The following TCF12 variants were observed in gnomAD, a reference collection of about 807,000 sequenced individuals.
TCF12 encodes the protein DNA-binding protein HTF4.
TCF12 carries 45 observed loss-of-function variants against 86.0 expected under a neutral mutation model. That is an observed-to-expected ratio of 0.52 (90% confidence interval 0.41 to 0.67). TCF12 has a LOEUF of 0.67. TCF12 is among the 30% of genes least tolerant of loss of function. The pLI, the probability that TCF12 is intolerant of heterozygous loss-of-function variation, is 0.00. For synonymous variants in TCF12, 330 were observed against 299.6 expected, an observed-to-expected ratio of 1.10 and a Z score of -1.05; for missense variants, 881 against 859.9, an observed-to-expected ratio of 1.02 and a Z score of -0.31.
chr15:57,101,733 T>G (rs1318105072), intron 5 of TCF12, among the ~76,000 whole-genome samples: 1 of 152,244 alleles, frequency 6.6e-6, no homozygotes, highest in African/African-American at 2.4e-5. Context: ...GTCATTCTTG[T>G]GTTACGTATT....
At chr15:57,058,699 T>A (rs76532511) in intron 3 of TCF12, among the ~76,000 whole-genome samples, 104 of 152,360 alleles carry the variant, frequency 6.8e-4, no homozygotes, top group African/African-American at 2.4e-3. Flanking sequence ...TGTTTTAACT[T>A]CTATTAAATT....
intron 6 of TCF12, among the ~76,000 whole-genome samples, chr15:57,169,663 T>C (rs2055165359): frequency 6.6e-6 from 1 of 151,964 alleles, no homozygotes; most frequent in Non-Finnish European, 1.5e-5. Flanking sequence ...GCCACTGGGC[T>C]AATGTTAACA....
intron 3 of TCF12, among the ~76,000 whole-genome samples, chr15:56,992,950 C>T (rs1365741672): frequency 1.3e-5 from 2 of 152,046 alleles, no homozygotes; most frequent in African/African-American, 4.8e-5. Context: ...CCACATGCAC[C>T]CCGTCTTTCT....
chr15:57,230,883 C>T lies in TCF12; in HGVS notation c.580-269C>T, dbSNP rs143345527. On this transcript the variant is annotated intron_variant, in intron 8 of 20. Coordinates refer to ENST00000333725, the MANE Select transcript of TCF12 (RefSeq NM_207037.2). ...AGCCAGCTCAATGCTTATTCAGTCA[C>T]TTGGTGTAACTGTCATACCAAGATG... is the stretch of plus-strand genomic sequence containing the variant. Among the ~76,000 whole-genome samples the T allele has an allele frequency of 3.1e-3, 468 of 151,668 alleles. 2 individuals are homozygous for T. Among genetic ancestry groups the T allele is most frequent in the African/African-American group, 0.011 (455 of 41,346 alleles).
intron 3 of TCF12, among the ~76,000 whole-genome samples, chr15:56,926,526 A>G (rs911821652): frequency 3.3e-5 from 5 of 152,186 alleles, no homozygotes; most frequent in African/African-American, 9.7e-5. Flanking sequence ...GATATGGACA[A>G]TGAATTAGGG....
chr15:57,127,684 G>A (rs1158300172), intron 5 of TCF12, among the ~76,000 whole-genome samples: 11 of 152,152 alleles, frequency 7.2e-5, no homozygotes, highest in Admixed American at 3.9e-4. Flanking sequence ...ATTCAAATTA[G>A]TCACTCCCAG....
chr15:57,007,993 T>C (rs200325002), intron 3 of TCF12, among the ~76,000 whole-genome samples: 1 of 150,532 alleles, frequency 6.6e-6, no homozygotes, highest in East Asian at 2.0e-4. Context: ...CTCTCTCTCT[T>C]TCTCTCACTG....
intron 16 of TCF12, among the ~76,000 whole-genome samples, chr15:57,255,133 A>G (rs1417329790): frequency 2.0e-5 from 3 of 152,142 alleles, no homozygotes; most frequent in Non-Finnish European, 4.4e-5. Context: ...CTTCACTTTT[A>G]CTAGCTTACT....
chr15:57,206,228 C>A lies in TCF12; in HGVS notation c.579+8403C>A, dbSNP rs772919834. Among the ~76,000 whole-genome samples the A allele has an allele frequency of 2.0e-5, 3 of 152,124 alleles. No individual in the cohort carries two copies. The South Asian group carries it at 6.2e-4, about 31-fold the overall frequency. On this transcript the variant is annotated intron_variant, in intron 8 of 20. Coordinates refer to ENST00000333725, the MANE Select transcript of TCF12 (RefSeq NM_207037.2). The stretch of plus-strand genomic sequence containing the variant: ...AAGAATACAAGGTAATGAGGCCAGG[C>A]GTGATGGCTTATGCCTGTAATCCCA...
At position 57,168,014 on chromosome 15, in the gene TCF12, A is replaced by G. The variant is rs538573883; in HGVS notation, c.390+1548A>G. Among the ~76,000 whole-genome samples, 24 of 152,336 alleles carry G rather than the reference A, an allele frequency of 1.6e-4. No individual in the cohort carries two copies. The South Asian group carries it at 4.8e-3, about 30-fold the overall frequency. On this transcript the variant is annotated intron_variant, in intron 6 of 20. Coordinates refer to ENST00000333725, the MANE Select transcript of TCF12 (RefSeq NM_207037.2). ...ATGGTTGACATCACACTGATATCTT[A>G]AAATTGGCTATTATGAGCTGGGCAC...
chr15:57,120,326 G>A (rs1160931424), intron 5 of TCF12, among the ~76,000 whole-genome samples: 1 of 152,156 alleles, frequency 6.6e-6, no homozygotes, highest in Admixed American at 6.5e-5. Flanking sequence ...GAAATTTGCT[G>A]TTTGTGTACA....
At chr15:56,946,147 T>A (rs1227525095) in intron 3 of TCF12, among the ~76,000 whole-genome samples, 1 of 152,208 alleles carries the variant, frequency 6.6e-6, no homozygotes, top group African/African-American at 2.4e-5. Context: ...TAGTTGTTCA[T>A]CAAATTTGAA....
chr15:56,984,986 T>C (rs2063112093), intron 3 of TCF12, among the ~76,000 whole-genome samples: 1 of 152,208 alleles, frequency 6.6e-6, no homozygotes, highest in African/African-American at 2.4e-5. Context: ...AAATTATCTT[T>C]CTACTCAATT....
Position 57,252,502 on chromosome 15 carries a change from C to A in TCF12, c.1260+10C>A, listed in dbSNP as rs758468409. On this transcript the variant is annotated intron_variant, in intron 15 of 20. Coordinates refer to ENST00000333725, the MANE Select transcript of TCF12 (RefSeq NM_207037.2). Reference sequence around the variant, plus strand: ...AAAGGATGTCTGTGAGGTACTATTTCTTTTAGATGGTGCCTTTTTTGTGTT... The same window carrying A: ...AAAGGATGTCTGTGAGGTACTATTTATTTTAGATGGTGCCTTTTTTGTGTT... 12 of 1,610,914 alleles carry A rather than the reference C, an allele frequency of 7.4e-6. No individual in the cohort carries two copies. The highest frequency in any genetic ancestry group is 2.7e-5 in the African/African-American group (2 of 74,844).
rs1164429641 is a variant in TCF12, at chr15:57,247,073, A to G, written c.1114+3523A>G. ...CATAGTTTGATTGCTGTTGTTCACTATAATTTCCGAACTCATTATAGTTCC... is the reference window on the plus strand; with the variant it reads ...CATAGTTTGATTGCTGTTGTTCACTGTAATTTCCGAACTCATTATAGTTCC... On this transcript the variant is annotated intron_variant, in intron 13 of 20. Coordinates refer to ENST00000333725, the MANE Select transcript of TCF12 (RefSeq NM_207037.2). 7.1e-6 allele frequency: 4 copies of G among 564,072 alleles called. 1 individual carries two copies. Among genetic ancestry groups the G allele is most frequent in the African/African-American group, 3.8e-5 (2 of 53,168 alleles). The allele number at this position is 564,072 out of a possible 1,614,324, so 34.9% of individuals were successfully genotyped here. A position where few individuals can be genotyped will look rare whatever the true frequency, so the allele number is the denominator to read the frequency against.
chr15:57,214,243 C>A (rs2058240879), intron 8 of TCF12: 1 of 152,132 alleles, frequency 6.6e-6, no homozygotes, highest in Non-Finnish European at 1.5e-5. Flanking sequence ...TTTACATATT[C>A]TCAGTAATTA....
At chr15:57,170,700 TATATAATATATAA>T (rs2055335160) in intron 6 of TCF12, among the ~76,000 whole-genome samples, 18 of 6,330 alleles carry the variant, frequency 2.8e-3, no homozygotes, top group Admixed American at 8.5e-3. Context: ...ATATATATTA[TATATAATATATAA>T]TATATATATT....
chr15:57,274,361 A>T (rs2061283177), intron 19 of TCF12, among the ~76,000 whole-genome samples: 1 of 152,352 alleles, frequency 6.6e-6, no homozygotes, highest in Admixed American at 6.5e-5. Flanking sequence ...AGAATGAGGG[A>T]TAGATCATTT....
At chr15:57,234,902 G>T (rs1428951091) in intron 12 of TCF12, among the ~76,000 whole-genome samples, 1 of 152,064 alleles carries the variant, frequency 6.6e-6, no homozygotes. Flanking sequence ...CCACAGAATT[G>T]TCTTTTATTT....
Sources: gnomAD v4.1 joint callset for allele counts (sites outside exome capture counted in the v4.1 genomes callset) on GRCh38, gnomAD v4.1.1 for gene constraint, MANE v1.5 for transcripts, NCBI Gene and HGNC (gene_info 2026-07-23, HGNC 2026-07-21) for gene names.